SNX8: variants seen among roughly 807,000 people sequenced by gnomAD.
SNX8 encodes the protein sorting nexin 8.
In SNX8, 25 loss-of-function variants were observed where a neutral mutation model predicts 51.6. The observed-to-expected ratio is 0.48, with a 90% confidence interval of 0.35 to 0.68. The LOEUF is 0.68. Among genes scored for constraint, SNX8 ranks in the 30% least tolerant of loss-of-function variants. The pLI, the probability that SNX8 is intolerant of heterozygous loss-of-function variation, is 0.00. For missense variants in SNX8, 695 were observed against 624.0 expected, an observed-to-expected ratio of 1.11 and a Z score of -1.21; for synonymous variants, 324 against 277.0, an observed-to-expected ratio of 1.17 and a Z score of -1.68.
chr7:2,257,244 CCCAGCTCTGTT>C (rs1406623408), intron 9 of SNX8, 110 bp downstream of exon 9: 4 of 1,283,284 alleles, frequency 3.1e-6, no homozygotes, highest in Admixed American at 2.3e-5. Flanking sequence ...CCACTGCACC[CCCAGCTCTGTT>C]CCAGACACAA....
chr7:2,283,188 A>G (rs1001606426), intron 1 of SNX8, among the ~76,000 whole-genome samples: 2 of 151,828 alleles, frequency 1.3e-5, no homozygotes, highest in East Asian at 1.9e-4. Context: ...CTCCCCCTTC[A>G]TTGAAGCACA....
At chr7:2,263,142 G>C in intron 7 of SNX8, 88 bp downstream of exon 7, 1 of 1,460,248 alleles carries the variant, frequency 6.8e-7, no homozygotes, top group Non-Finnish European at 9.4e-7. Flanking sequence ...AAAACGAACT[G>C]TGACGCCCAT....
intron 1 of SNX8, among the ~76,000 whole-genome samples, chr7:2,297,284 C>T (rs1796292917): frequency 6.6e-6 from 1 of 151,804 alleles, no homozygotes; most frequent in Non-Finnish European, 1.5e-5. Context: ...GGCATGGTGG[C>T]TCACACCTGT....
chr7:2,313,201 G>C (rs1369159633), intron 1 of SNX8, among the ~76,000 whole-genome samples: 2 of 151,908 alleles, frequency 1.3e-5, no homozygotes, highest in Non-Finnish European at 2.9e-5. Flanking sequence ...GCCCAGCCAT[G>C]TTTAGCCTCA....
intron 1 of SNX8, among the ~76,000 whole-genome samples, chr7:2,286,018 T>C (rs1023066953): frequency 1.3e-5 from 2 of 149,868 alleles, no homozygotes; most frequent in African/African-American, 4.9e-5. Flanking sequence ...TTTTTTTTTT[T>C]TTTTCTTTTT....
intron 1 of SNX8, among the ~76,000 whole-genome samples, chr7:2,307,327 C>T (rs1796565167): frequency 6.6e-6 from 1 of 151,880 alleles, no homozygotes; most frequent in African/African-American, 2.4e-5. Flanking sequence ...TGGCCGCGCT[C>T]CAGTTTCTCA....
At chr7:2,275,818 G>A (rs539220915) in intron 2 of SNX8, among the ~76,000 whole-genome samples, 138 of 151,224 alleles carry the variant, frequency 9.1e-4, no homozygotes, top group African/African-American at 3.3e-3. Flanking sequence ...CCAACACGGT[G>A]AAACCTCGTC....
intron 7 of SNX8, among the ~76,000 whole-genome samples, chr7:2,259,233 C>T (rs1018381806): frequency 1.3e-5 from 2 of 152,332 alleles, no homozygotes; most frequent in East Asian, 1.9e-4. Context: ...CAGCCACAAC[C>T]GCAACCAAGC....
chr7:2,265,483 A>G (rs1157344420), intron 5 of SNX8, among the ~76,000 whole-genome samples: 2 of 152,002 alleles, frequency 1.3e-5, no homozygotes, highest in Admixed American at 1.3e-4. Context: ...ATCTCTCCCA[A>G]AAAATCAAAA....
chr7:2,330,395 C>G (rs1461089376), intron 1 of SNX8, among the ~76,000 whole-genome samples: 2 of 151,968 alleles, frequency 1.3e-5, no homozygotes, highest in African/African-American at 4.8e-5. Context: ...GCCTTGGCCT[C>G]CAAAGTGCTG....
rs1024275886 is a variant in SNX8, at chr7:2,314,414, C to A, written c.8G>T (p.Gly3Val). 2.0e-5 allele frequency: 24 copies of A among 1,216,826 alleles called. No individual in the cohort carries two copies. The highest frequency in any genetic ancestry group is 2.2e-5 in the Non-Finnish European group (22 of 978,136). The allele number at this position is 1,216,826 out of a possible 1,614,324, so 75.4% of individuals were successfully genotyped here. The change falls in exon 1 of 11, where the codon GGC (glycine) becomes GTC (valine). Residue 3 changes from glycine to valine, a missense_variant. Physicochemically the swap from Gly to Val is moderately radical, Grantham distance 109. Coordinates refer to ENST00000222990, the MANE Select transcript of SNX8 (RefSeq NM_013321.4). MT[G>V]RAMDPLPAAA... is the part of the protein sequence containing the mutation. ...CGCGGGCAGCGGGTCCATCGCGCGG[C>A]CAGTCATGTGAGCCCGCGCTCCCAC...
intron 1 of SNX8, among the ~76,000 whole-genome samples, chr7:2,288,861 G>A (rs1796089923): frequency 6.6e-6 from 1 of 152,096 alleles, no homozygotes; most frequent in African/African-American, 2.4e-5. Context: ...AGCCTCCTGA[G>A]TGTAGCTGGG....
intron 10 of SNX8, 124 bp downstream of exon 10, chr7:2,256,750 G>A (rs1371085867): frequency 1.1e-6 from 1 of 914,144 alleles, no homozygotes; most frequent in Non-Finnish European, 1.6e-6. Context: ...GGCCCATGCG[G>A]AGCCCAACTC....
intron 5 of SNX8, among the ~76,000 whole-genome samples, chr7:2,267,644 C>G (rs539953181): frequency 2.7e-5 from 4 of 148,708 alleles, no homozygotes; most frequent in South Asian, 4.4e-4. Flanking sequence ...AGTGCAGTGA[C>G]GTGATCTCGG....
chr7:2,302,222 C>T (rs942720009), intron 1 of SNX8, among the ~76,000 whole-genome samples: 8 of 152,276 alleles, frequency 5.3e-5, no homozygotes, highest in Admixed American at 1.3e-4. Flanking sequence ...CCTGCCTCAG[C>T]CTGCCGAGTG....
At chr7:2,300,528 T>C (rs1562446362) in intron 1 of SNX8, among the ~76,000 whole-genome samples, 1 of 152,158 alleles carries the variant, frequency 6.6e-6, no homozygotes, top group Non-Finnish European at 1.5e-5. Context: ...TCCTCCTGCC[T>C]CAGCCTCCCA....
intron 1 of SNX8, among the ~76,000 whole-genome samples, chr7:2,327,049 A>C (rs1778633669): frequency 6.6e-6 from 1 of 152,148 alleles, no homozygotes; most frequent in Admixed American, 6.6e-5. Context: ...TCTGAAATCA[A>C]GTTGCCGGCA....
chr7:2,283,273 G>A (rs1376733755), intron 1 of SNX8, among the ~76,000 whole-genome samples: 1 of 152,260 alleles, frequency 6.6e-6, no homozygotes, highest in Non-Finnish European at 1.5e-5. Flanking sequence ...GACAGACACT[G>A]GAGGGTCCCA....
intron 3 of SNX8, among the ~76,000 whole-genome samples, chr7:2,273,753 A>T (rs1247192846): frequency 7.2e-6 from 1 of 138,212 alleles, no homozygotes; most frequent in African/African-American, 2.7e-5. Flanking sequence ...AATACAAAAA[A>T]ATTAGCCAGG....
Sources: allele counts gnomAD v4.1 joint callset (sites outside exome capture counted in the v4.1 genomes callset), GRCh38; gene constraint gnomAD v4.1.1; transcripts MANE v1.5; gene names NCBI Gene and HGNC (gene_info 2026-07-23, HGNC 2026-07-21).